FAT3: variants seen among roughly 807,000 people sequenced by gnomAD.
The protein encoded by FAT3 is protocadherin Fat 3.
A neutral mutation model predicts 310.2 loss-of-function variants in FAT3; 95 were observed. The ratio of observed to expected loss-of-function variants is 0.31; its 90% CI spans 0.26 to 0.36. The LOEUF is 0.36. Among genes scored for constraint, FAT3 ranks in the 10% least tolerant of loss-of-function variants. The pLI is 1.00. For missense variants in FAT3, 5,408 were observed against 5,715.6 expected (o/e 0.95, Z 1.74); for synonymous variants, 2,314 against 2,192.9 (o/e 1.06, Z -1.54).
chr11:92,393,396 G>T (rs1274646181), intron 2 of FAT3, among the ~76,000 whole-genome samples: 1 of 152,130 alleles, frequency 6.6e-6, no homozygotes. Context: ...CCACCATTTG[G>T]ATGTCTGTGC....
chr11:92,754,627 C>CA (rs71064722), intron 4 of FAT3, among the ~76,000 whole-genome samples: 1,833 of 32,640 alleles, frequency 0.056, 87 homozygotes, highest in Middle Eastern at 0.11. Flanking sequence ...GACTCTGCCT[C>CA]AAAAAAAAAA....
chr11:92,590,251 T>C (rs1195344001), intron 3 of FAT3, among the ~76,000 whole-genome samples: 1 of 152,074 alleles, frequency 6.6e-6, no homozygotes, highest in Non-Finnish European at 1.5e-5. Flanking sequence ...TCAAAATGAG[T>C]AAGTCTGGAA....
At chr11:92,789,378 G>A (rs1279850554) in intron 7 of FAT3, among the ~76,000 whole-genome samples, 2 of 152,140 alleles carry the variant, frequency 1.3e-5, no homozygotes, top group African/African-American at 4.8e-5. Flanking sequence ...AAAACAATTA[G>A]AAAACTTATT....
intron 12 of FAT3, among the ~76,000 whole-genome samples, chr11:92,809,572 A>G (rs1270712590): frequency 2.0e-5 from 3 of 152,196 alleles, no homozygotes. Flanking sequence ...GTGTAGCCAA[A>G]AGAAAGAGCC....
intron 3 of FAT3, among the ~76,000 whole-genome samples, chr11:92,693,506 G>A (rs1943853216): frequency 6.6e-6 from 1 of 152,074 alleles, no homozygotes; most frequent in Admixed American, 6.6e-5. Flanking sequence ...TTGTCTTGTT[G>A]TCTTATTCTC....
Position 92,894,950 on chromosome 11 carries a change from C to G in FAT3, c.*3837C>G, listed in dbSNP as rs1043826934. On this transcript the variant is annotated 3_prime_UTR_variant, in exon 28 of 28. Coordinates refer to ENST00000525166, the MANE Select transcript of FAT3 (RefSeq NM_001367949.2). Reference sequence around the variant, plus strand: ...CTTCCCACCCCACCCTATCCACTACCCCCACTGATGCTATGTTTGCATCAT... The same window carrying G: ...CTTCCCACCCCACCCTATCCACTACGCCCACTGATGCTATGTTTGCATCAT... 1.3e-5 allele frequency: 2 copies of G among 152,200 alleles called. No homozygotes were observed. The highest frequency in any genetic ancestry group is 4.8e-5 in the African/African-American group (2 of 41,448). 9.4% of individuals were successfully genotyped at this position (152,200 alleles called of 1,614,324 possible).
chr11:92,366,641 T>C (rs1026743090), intron 2 of FAT3: 1 of 534,332 alleles, frequency 1.9e-6, no homozygotes, highest in Non-Finnish European at 3.8e-6. Context: ...AGCTCCATGA[T>C]AGCCTCTTCA....
Position 92,809,940 on chromosome 11 carries a change from C to T in FAT3, c.9345C>T (p.Ser3115=), listed in dbSNP as rs1300896942. ...ATDGGGRFCQ[S]NIHLILEDVN... is the part of the protein sequence containing the mutation. Reference sequence around the variant, plus strand: ...ACGGGGGTGGCAGGTTCTGCCAGTCCAACATCCACCTAATCCTGGAGGATG... The same window carrying T: ...ACGGGGGTGGCAGGTTCTGCCAGTCTAACATCCACCTAATCCTGGAGGATG... Residue 3115 remains serine (S), a synonymous_variant, in exon 13 of 28, where the codon TCC becomes TCT. Coordinates refer to ENST00000525166, the MANE Select transcript of FAT3 (RefSeq NM_001367949.2). 3 of 1,613,914 alleles carry T rather than the reference C, an allele frequency of 1.9e-6. No individual in the cohort carries two copies. The highest frequency in any genetic ancestry group is 2.5e-6 in the Non-Finnish European group (3 of 1,179,786).
intron 3 of FAT3, among the ~76,000 whole-genome samples, chr11:92,553,675 C>CCCTTCCTTCCTCCCTTCCTT (rs1279467166): frequency 9.2e-6 from 1 of 108,258 alleles, no homozygotes; most frequent in Non-Finnish European, 2.1e-5. Context: ...GAATCTCCGT[C>CCCTTCCTTCCTCCCTTCCTT]CCTTCCTTCC....
At chr11:92,544,747 C>A (rs2135420720) in intron 3 of FAT3, among the ~76,000 whole-genome samples, 1 of 152,306 alleles carries the variant, frequency 6.6e-6, no homozygotes, top group East Asian at 1.9e-4. Flanking sequence ...CAGCATTCTC[C>A]TCTGGGAACA....
intron 3 of FAT3, among the ~76,000 whole-genome samples, chr11:92,611,529 T>A (rs1017508400): frequency 2.6e-5 from 4 of 152,146 alleles, no homozygotes; most frequent in African/African-American, 9.7e-5. Flanking sequence ...TGCCTCAGCA[T>A]CCCAAGTTGG....
intron 1 of FAT3, among the ~76,000 whole-genome samples, chr11:92,243,547 A>G (rs1290624129): frequency 6.6e-6 from 1 of 152,064 alleles, no homozygotes; most frequent in African/African-American, 2.4e-5. Flanking sequence ...AAAAAAATTA[A>G]TAGGTTAAAT....
chr11:92,236,256 T>G (rs1376268546), intron 1 of FAT3, among the ~76,000 whole-genome samples: 1 of 152,208 alleles, frequency 6.6e-6, no homozygotes, highest in Admixed American at 6.5e-5. Flanking sequence ...AAGATCTTTC[T>G]TTAAAAGTTG....
In FAT3 at chr11:92,535,506, C is replaced by T. The variant is rs115854789; in HGVS notation, c.3607+10558C>T. Among the ~76,000 whole-genome samples the T allele has an allele frequency of 7.2e-3, 1,090 of 152,148 alleles. 14 individuals are homozygous for T. The highest frequency in any genetic ancestry group is 0.023 in the African/African-American group (954 of 41,508). On this transcript the variant is annotated intron_variant, in intron 3 of 27. Coordinates refer to ENST00000525166, the MANE Select transcript of FAT3 (RefSeq NM_001367949.2). ...AGAATAGCTGTGAAGGTGAGGTTCT[C>T]CTAAAGGAGGGAGGAAGACCCCATG...
chr11:92,500,316 A>C (rs989664538), intron 2 of FAT3, among the ~76,000 whole-genome samples: 4 of 152,066 alleles, frequency 2.6e-5, no homozygotes, highest in Non-Finnish European at 5.9e-5. Context: ...ATGGTCATAG[A>C]TAATCTATCA....
Position 92,524,774 on chromosome 11 carries a change from G to A in FAT3, c.3433G>A (p.Ala1145Thr), listed in dbSNP as rs375857480. The A allele has an allele frequency of 1.2e-6, 2 of 1,613,726 alleles. No homozygotes were observed. Among genetic ancestry groups the A allele is most frequent in the Non-Finnish European group, 1.7e-6 (2 of 1,179,804 alleles). The stretch of plus-strand genomic sequence containing the variant: ...TGAAGTTGAAGATGTGAATGACAAT[G>A]CCCCGCTGACCTCAGAACCTATATA... ...YIEVEDVNDNAPLTSEPIYYP... is the reference protein window; with the variant it reads ...YIEVEDVNDNTPLTSEPIYYP... Residue 1145 changes from alanine to threonine, a missense_variant, in exon 3 of 28, where the codon GCC becomes ACC. This residue lies in a region of FAT3 where 4,588 missense variants were observed against 4,809.8 expected (regional missense o/e 0.95). Coordinates refer to ENST00000525166, the MANE Select transcript of FAT3 (RefSeq NM_001367949.2).
chr11:92,501,593 G>A (rs1265778240), intron 2 of FAT3, among the ~76,000 whole-genome samples: 1 of 151,994 alleles, frequency 6.6e-6, no homozygotes, highest in African/African-American at 2.4e-5. Flanking sequence ...GGAAGTGCGT[G>A]TGTGTGGGAA....
rs747388173 is a variant in FAT3, at chr11:92,355,203, G to T, written c.3091G>T (p.Val1031Leu). The T allele has an allele frequency of 6.2e-7, 1 of 1,613,800 alleles. No individual in the cohort carries two copies. The highest frequency in any genetic ancestry group is 1.7e-5 in the Admixed American group (1 of 59,924). ...ATCTGTTTCCTTTGTTGAGGTGGAA[G>T]TGGTGGATGTCAATGAAAACCTCCA... Reference protein sequence around the residue: ...LSSVSFVEVEVVDVNENLHTP... With the variant: ...LSSVSFVEVELVDVNENLHTP... The change falls in exon 2 of 28, where the codon GTG (valine) becomes TTG (leucine). Residue 1031 changes from valine (V) to leucine (L), a missense_variant. Val to Leu is a conservative substitution (Grantham distance 32). Around this residue, in one of 5 missense-constraint regions of FAT3, gnomAD observed 4,588 missense variants for 4,809.8 expected, o/e 0.95. Transcript: ENST00000525166.
At chr11:92,435,890 C>T (rs1268769643) in intron 2 of FAT3, among the ~76,000 whole-genome samples, 2 of 151,902 alleles carry the variant, frequency 1.3e-5, no homozygotes, top group African/African-American at 4.8e-5. Context: ...ATTACCTATT[C>T]TGTGTCTAGT....
Sources: gnomAD v4.1 joint callset for allele counts (sites outside exome capture counted in the v4.1 genomes callset) on GRCh38, gnomAD v4.1.1 for gene constraint, gnomAD v4.1.1 regional missense constraint, MANE v1.5 for transcripts, NCBI Gene and HGNC (gene_info 2026-07-23, HGNC 2026-07-21) for gene names.